LRP1B: variants seen among roughly 807,000 people sequenced by gnomAD.
The protein encoded by LRP1B is low-density lipoprotein receptor-related protein 1B.
A neutral mutation model predicts 556.6 loss-of-function variants in LRP1B; 217 were observed. The ratio of observed to expected loss-of-function variants is 0.39; its 90% CI spans 0.35 to 0.44. The LOEUF (loss-of-function observed/expected upper bound fraction) is 0.44, where lower values mean the gene tolerates loss of function less well. Ranked by LOEUF, LRP1B falls within the 20% of genes least tolerant of loss-of-function variation. LRP1B has a pLI of 1.00. For synonymous variants in LRP1B, 2,047 were observed against 1,865.8 expected, an observed-to-expected ratio of 1.10 and a Z score of -2.50; for missense variants, 5,053 against 5,620.8, an observed-to-expected ratio of 0.90 and a Z score of 3.23.
intron 1 of LRP1B, among the ~76,000 whole-genome samples, chr2:141,938,101 C>A (rs1187931767): frequency 6.6e-6 from 1 of 151,782 alleles, no homozygotes; most frequent in Non-Finnish European, 1.5e-5. Context: ...TGCAGCTTTG[C>A]AACATAATTT....
intron 2 of LRP1B, among the ~76,000 whole-genome samples, chr2:141,796,218 A>C (rs964960944): frequency 1.3e-5 from 2 of 152,190 alleles, no homozygotes; most frequent in Middle Eastern, 3.4e-3. Context: ...TATCAATGAA[A>C]GAAATACTTA....
intron 32 of LRP1B, among the ~76,000 whole-genome samples, chr2:140,806,917 A>G (rs1410696577): frequency 6.6e-6 from 1 of 152,322 alleles, no homozygotes; most frequent in East Asian, 1.9e-4. Context: ...CCATGAATTG[A>G]TTTGTTCAAC....
intron 2 of LRP1B, among the ~76,000 whole-genome samples, chr2:141,519,405 A>T (rs530118127): frequency 0.056 from 1,423 of 25,378 alleles, 75 homozygotes; most frequent in South Asian, 0.15. Context: ...ATATATATGA[A>T]ATGCAATATT....
intron 59 of LRP1B, among the ~76,000 whole-genome samples, chr2:140,476,175 G>A (rs1190719904): frequency 6.6e-6 from 1 of 151,906 alleles, no homozygotes; most frequent in Non-Finnish European, 1.5e-5. Context: ...AGCCATTTGT[G>A]TTTTTCCTCA....
At chr2:141,271,450 T>C (rs1351597286) in intron 3 of LRP1B, among the ~76,000 whole-genome samples, 1 of 151,470 alleles carries the variant, frequency 6.6e-6, no homozygotes, top group African/African-American at 2.4e-5. Flanking sequence ...AGTAAAAATG[T>C]TGAAGGACAG....
intron 35 of LRP1B, among the ~76,000 whole-genome samples, chr2:140,756,418 C>A (rs1230834702): frequency 2.0e-5 from 3 of 151,850 alleles, no homozygotes; most frequent in African/African-American, 7.3e-5. Context: ...CCTCACACTT[C>A]CAATGTTAAA....
intron 83 of LRP1B, among the ~76,000 whole-genome samples, chr2:140,303,063 A>T (rs1216141445): frequency 1.4e-5 from 2 of 145,146 alleles, no homozygotes; most frequent in East Asian, 4.0e-4. Flanking sequence ...GGACATACAC[A>T]CACACATATA....
At chr2:141,003,406 G>A (rs750816743) in intron 15 of LRP1B, among the ~76,000 whole-genome samples, 5 of 151,974 alleles carry the variant, frequency 3.3e-5, no homozygotes, top group Admixed American at 6.6e-5. Context: ...ATGGTGATAC[G>A]GTTTGGCTGT....
chr2:140,264,899 G>T (rs1682129234), intron 86 of LRP1B, among the ~76,000 whole-genome samples: 1 of 152,020 alleles, frequency 6.6e-6, no homozygotes, highest in Non-Finnish European at 1.5e-5. Context: ...AGACACATTT[G>T]GGTTCAGTGA....
intron 63 of LRP1B, among the ~76,000 whole-genome samples, chr2:140,447,297 T>C (rs1464729249): frequency 6.6e-6 from 1 of 151,976 alleles, no homozygotes; most frequent in Non-Finnish European, 1.5e-5. Context: ...GGTCCAGCAA[T>C]CCCACTACTA....
chr2:140,243,690 CA>C, intron 87 of LRP1B, among the ~76,000 whole-genome samples: 1 of 151,296 alleles, frequency 6.6e-6, no homozygotes, highest in Admixed American at 6.6e-5. Context: ...GGCTGCCTAT[CA>C]CCTTGGTCCT....
intron 2 of LRP1B, among the ~76,000 whole-genome samples, chr2:141,547,842 G>A (rs144947883): frequency 0.011 from 1,641 of 151,538 alleles, 14 homozygotes; most frequent in Middle Eastern, 0.017. Flanking sequence ...AAAGATAAAA[G>A]GTGGGCCTTA....
rs1005822539 is a variant in LRP1B at position 141,893,810 on chromosome 2, C to T, written c.83-83409G>A. On this transcript the variant is annotated intron_variant, in intron 1 of 90. Coordinates refer to ENST00000389484, the MANE Select transcript of LRP1B (RefSeq NM_018557.3). ...TTTACTTTGAATGAACCAATAAGTACCAATGAAAATAAAACATGACTTAGA... is the reference window on the plus strand; with the variant it reads ...TTTACTTTGAATGAACCAATAAGTATCAATGAAAATAAAACATGACTTAGA... Among the ~76,000 whole-genome samples, 3 of 152,096 alleles carry T rather than the reference C, an allele frequency of 2.0e-5. No homozygotes were observed. The South Asian group carries it at 6.2e-4, about 31-fold the overall frequency.
At chr2:141,516,722 A>G (rs1684326302) in intron 2 of LRP1B, among the ~76,000 whole-genome samples, 2 of 138,146 alleles carry the variant, frequency 1.4e-5, no homozygotes, top group South Asian at 4.7e-4. Flanking sequence ...TTTTTCCGAG[A>G]GTCTTGCTCT....
At chr2:141,823,226 A>T (rs1431885525) in intron 1 of LRP1B, among the ~76,000 whole-genome samples, 2 of 152,014 alleles carry the variant, frequency 1.3e-5, no homozygotes, top group Non-Finnish European at 2.9e-5. Flanking sequence ...TTTCCTTTCT[A>T]CTAAAAAGAA....
chr2:141,273,189 C>A (rs1382837713), intron 3 of LRP1B, among the ~76,000 whole-genome samples: 1 of 151,900 alleles, frequency 6.6e-6, no homozygotes, highest in Non-Finnish European at 1.5e-5. Context: ...CATGCCTGTA[C>A]TCCCAGCTAC....
intron 1 of LRP1B, among the ~76,000 whole-genome samples, chr2:142,103,291 T>A (rs1451114226): frequency 6.6e-6 from 1 of 151,944 alleles, no homozygotes; most frequent in East Asian, 1.9e-4. Flanking sequence ...ATAAACTTCT[T>A]TTCTTATTAT....
chr2:140,867,744 C>A lies in LRP1B; in HGVS notation c.4425G>T (p.Val1475=), dbSNP rs750225424. 13 of 1,611,500 alleles carry A rather than the reference C, an allele frequency of 8.1e-6. No homozygotes were observed. The highest frequency in any genetic ancestry group is 1.1e-5 in the Non-Finnish European group (13 of 1,178,716). ...GHEYLSHPFA[V]SLYGSEVYWT... is the part of the protein sequence containing the mutation. ...AGTAGACTTCACTCCCATATAGAGA[C>A]ACAGCAAAGGGATGGGAAAGGTATT... is the stretch of plus-strand genomic sequence containing the variant. Residue 1475 remains valine, a synonymous_variant, in exon 27 of 91, where the codon GTG becomes GTT. Transcript: ENST00000389484.
intron 17 of LRP1B, among the ~76,000 whole-genome samples, chr2:140,986,104 A>G (rs949338403): frequency 7.5e-6 from 1 of 133,944 alleles, no homozygotes; most frequent in Non-Finnish European, 1.6e-5. Flanking sequence ...ATTTTCTTCA[A>G]TTTAGTGGTT....
Sources: gnomAD v4.1 joint callset for allele counts (sites outside exome capture counted in the v4.1 genomes callset) on GRCh38, gnomAD v4.1.1 for gene constraint, MANE v1.5 for transcripts, NCBI Gene and HGNC (gene_info 2026-07-23, HGNC 2026-07-21) for gene names.